The following RTTN variants were observed in gnomAD, a reference collection of about 807,000 sequenced individuals.
RTTN encodes the protein rotatin.
Under a neutral mutation model 269.2 loss-of-function variants are expected in RTTN, and 182 were observed. The observed-to-expected ratio is 0.68, with a 90% CI of 0.60 to 0.76. The LOEUF (loss-of-function observed/expected upper bound fraction) is 0.76. Ranked by LOEUF, RTTN falls within the 30% of genes least tolerant of loss-of-function variation. The pLI is 0.00. For missense variants in RTTN, 2,545 were observed against 2,608.6 expected, an observed-to-expected ratio of 0.98 and a Z score of 0.53; for synonymous variants, 1,006 against 963.5, an observed-to-expected ratio of 1.04 and a Z score of -0.82.
chr18:70,176,590 C>A, intron 11 of RTTN, 85 bp downstream of exon 11: 1 of 1,284,614 alleles, frequency 7.8e-7, no homozygotes, highest in South Asian at 2.0e-5. Context: ...ACCTTCACAC[C>A]ATGAAAAGAG....
intron 35 of RTTN, among the ~76,000 whole-genome samples, chr18:70,064,638 T>C (rs1324221879): frequency 6.6e-6 from 1 of 152,118 alleles, no homozygotes; most frequent in Non-Finnish European, 1.5e-5. Flanking sequence ...CGGGCAAATC[T>C]ATAAAGAAGG....
chr18:70,144,162 T>C lies in RTTN; in HGVS notation c.2481+1450A>G, dbSNP rs911663032. Reference sequence around the variant, plus strand: ...GTGCCCGGCCCCTCTCTTCTTAATATACATTTTTGCTAGGAAGTTATTCAT... The same window carrying C: ...GTGCCCGGCCCCTCTCTTCTTAATACACATTTTTGCTAGGAAGTTATTCAT... On this transcript the variant is annotated intron_variant, in intron 18 of 48. Transcript: ENST00000640769. Among the ~76,000 whole-genome samples the C allele has an allele frequency of 2.6e-5, 4 of 152,160 alleles. No homozygotes were observed. The East Asian group carries it at 7.7e-4, about 29-fold the overall frequency.
intron 23 of RTTN, chr18:70,130,591 C>G (rs1398715077): frequency 1.3e-5 from 2 of 150,254 alleles, no homozygotes; most frequent in Non-Finnish European, 3.0e-5. Flanking sequence ...AAAAAATGAT[C>G]TCATGGAGAT....
At chr18:70,134,732 A>T (rs2060081847) in intron 22 of RTTN, among the ~76,000 whole-genome samples, 191 bp from the exon 23 acceptor site, 1 of 152,158 alleles carries the variant, frequency 6.6e-6, no homozygotes, top group Non-Finnish European at 1.5e-5. Flanking sequence ...TATGTTTTAA[A>T]AAAAAATTCC....
At chr18:70,090,049 T>C (rs760297478) in intron 30 of RTTN, among the ~76,000 whole-genome samples, 1 of 152,228 alleles carries the variant, frequency 6.6e-6, no homozygotes, top group South Asian at 2.1e-4. Flanking sequence ...GTGCAATTCA[T>C]GGACTTAATC....
intron 11 of RTTN, among the ~76,000 whole-genome samples, chr18:70,174,278 C>T (rs571193960): frequency 3.9e-5 from 6 of 151,986 alleles, no homozygotes; most frequent in Non-Finnish European, 8.8e-5. Context: ...GGCAAACACA[C>T]AGAAGAGACA....
intron 48 of RTTN, among the ~76,000 whole-genome samples, chr18:70,004,808 A>C (rs2056130916): frequency 6.6e-6 from 1 of 152,220 alleles, no homozygotes; most frequent in Non-Finnish European, 1.5e-5. Context: ...ATCACAGGGA[A>C]ACGTGGATAT....
intron 37 of RTTN, among the ~76,000 whole-genome samples, chr18:70,055,995 C>G (rs1265400520): frequency 3.3e-5 from 5 of 152,154 alleles, no homozygotes; most frequent in African/African-American, 1.2e-4. Flanking sequence ...TTCAGGAGGC[C>G]CCTCCCCTTT....
chr18:70,029,163 C>CAAAA (rs35814962), intron 42 of RTTN, among the ~76,000 whole-genome samples: 1 of 112,792 alleles, frequency 8.9e-6, no homozygotes. Context: ...GGAAAAGAGG[C>CAAAA]AAAAAAAAAA....
At chr18:70,026,170 T>C (rs2056847065) in intron 43 of RTTN, among the ~76,000 whole-genome samples, 1 of 152,232 alleles carries the variant, frequency 6.6e-6, no homozygotes, top group South Asian at 2.1e-4. Flanking sequence ...GCTTCTACTT[T>C]TGTGGTTGCC....
At chr18:70,178,105 G>A (rs1047180795) in intron 10 of RTTN, among the ~76,000 whole-genome samples, 1 of 152,094 alleles carries the variant, frequency 6.6e-6, no homozygotes, top group African/African-American at 2.4e-5. Context: ...AAAGGAGGCC[G>A]GACGCGATGG....
At chr18:70,193,930 T>C (rs751836097) in intron 7 of RTTN, among the ~76,000 whole-genome samples, 2 of 152,216 alleles carry the variant, frequency 1.3e-5, no homozygotes, top group African/African-American at 4.8e-5. Context: ...AACAGACAGA[T>C]AAGCTGGACT....
intron 4 of RTTN, 30 bp from the exon 5 acceptor site, chr18:70,199,534 T>C (rs2061898257): frequency 6.3e-6 from 9 of 1,428,732 alleles, no homozygotes; most frequent in Non-Finnish European, 8.9e-6. Context: ...TCTTATGGTA[T>C]CAAAGAATAA....
intron 46 of RTTN, 91 bp downstream of exon 46, chr18:70,017,316 C>T (rs2056570330): frequency 8.0e-7 from 1 of 1,245,670 alleles, no homozygotes; most frequent in East Asian, 2.4e-5. Context: ...TTAATAAATG[C>T]CTAGAAAATT....
Position 70,121,734 on chromosome 18 carries a change from C to A in RTTN, c.3384-34G>T, listed in dbSNP as rs188375011. On this transcript the variant is annotated intron_variant, in intron 25 of 48. Transcript: ENST00000640769. ...AAAAGACAATAATCATGGTTTCTGGCGCTTTAAAATACACAATACCACTGT... is the reference window on the plus strand; with the variant it reads ...AAAAGACAATAATCATGGTTTCTGGAGCTTTAAAATACACAATACCACTGT... The A allele has an allele frequency of 3.3e-6, 5 of 1,509,386 alleles. No homozygotes were observed. In the African/African-American group the frequency reaches 4.3e-5, roughly 13 times the overall value. 93.5% of individuals were successfully genotyped at this position (1,509,386 alleles called of 1,614,324 possible).
chr18:70,121,268 C>T (rs1374203878), intron 26 of RTTN, among the ~76,000 whole-genome samples: 1 of 152,124 alleles, frequency 6.6e-6, no homozygotes, highest in East Asian at 1.9e-4. Flanking sequence ...TCCCCTGCCA[C>T]CTGAACTGAA....
At chr18:70,190,357 G>A (rs1453414941) in intron 9 of RTTN, among the ~76,000 whole-genome samples, 181 bp downstream of exon 9, 2 of 151,802 alleles carry the variant, frequency 1.3e-5, no homozygotes, top group Non-Finnish European at 2.9e-5. Flanking sequence ...GCCCTCCAAG[G>A]CATCCACATT....
At chr18:70,131,376 C>T (rs1420117575) in intron 23 of RTTN, 1 of 147,932 alleles carries the variant, frequency 6.8e-6, no homozygotes, top group Admixed American at 6.8e-5. Flanking sequence ...AAATACCTGA[C>T]AATAAAAGAA....
Position 70,086,553 on chromosome 18 carries a change from A to C in RTTN, c.4374+60T>G, listed in dbSNP as rs2058702608. 3.9e-6 allele frequency: 5 copies of C among 1,286,262 alleles called. No homozygotes were observed. In the Admixed American group the frequency reaches 6.1e-5, roughly 16 times the overall value. 79.7% of individuals were successfully genotyped at this position (1,286,262 alleles called of 1,614,324 possible). A position where few individuals can be genotyped will look rare whatever the true frequency, so the allele number is the denominator to read the frequency against. ...AATGAAATATACTACTTATACTGAA[A>C]ATTTATCACCAATTAATTTGAAACA... is the stretch of plus-strand genomic sequence containing the variant. On this transcript the variant is annotated intron_variant, in intron 32 of 48. Transcript: ENST00000640769.
Sources: allele counts gnomAD v4.1 joint callset (sites outside exome capture counted in the v4.1 genomes callset), GRCh38; gene constraint gnomAD v4.1.1; transcripts MANE v1.5; gene names NCBI Gene and HGNC (gene_info 2026-07-23, HGNC 2026-07-21).